SLC39A10: variants seen among roughly 807,000 people sequenced by gnomAD.
The protein encoded by SLC39A10 is solute carrier family 39 member 10.
Under a neutral mutation model 65.1 loss-of-function variants are expected in SLC39A10, and 13 were observed. The observed-to-expected ratio is 0.20, with a 90% CI of 0.13 to 0.32. The LOEUF (loss-of-function observed/expected upper bound fraction) is 0.32. Among genes scored for constraint, SLC39A10 ranks in the 10% least tolerant of loss-of-function variants. The pLI, the probability that SLC39A10 is intolerant of heterozygous loss-of-function variation, is 1.00. For synonymous variants in SLC39A10, 321 were observed against 342.2 expected (o/e 0.94, Z 0.68); for missense variants, 831 against 1,018.4 (o/e 0.82, Z 2.50).
intron 8 of SLC39A10, among the ~76,000 whole-genome samples, chr2:195,721,504 T>C (rs1306474129): frequency 1.3e-5 from 2 of 152,136 alleles, no homozygotes; most frequent in Non-Finnish European, 2.9e-5. Context: ...TTCCTCTTAG[T>C]TTTATTGTTT....
chr2:195,721,782 T>C (rs902063062), intron 8 of SLC39A10, among the ~76,000 whole-genome samples: 25 of 152,186 alleles, frequency 1.6e-4, no homozygotes, highest in African/African-American at 6.0e-4. Flanking sequence ...CTCCATAATA[T>C]ACTAGAAAAA....
chr2:195,710,387 C>G (rs548561922), intron 5 of SLC39A10, among the ~76,000 whole-genome samples: 2 of 152,092 alleles, frequency 1.3e-5, no homozygotes, highest in East Asian at 3.9e-4. Context: ...TTCCAGATAC[C>G]TTTTTTGGGA....
intron 1 of SLC39A10, 102 bp downstream of exon 1, chr2:195,657,383 G>A (rs1052673687): frequency 2.0e-6 from 2 of 985,358 alleles, no homozygotes; most frequent in African/African-American, 1.7e-5. Context: ...TAGAAAGGGA[G>A]AACAGAACCG....
chr2:195,622,499 ATATTT>A (rs1298740180), intron 2 of SLC39A10, among the ~76,000 whole-genome samples: 1 of 152,244 alleles, frequency 6.6e-6, no homozygotes, highest in African/African-American at 2.4e-5. Context: ...TCTGAAGTGA[ATATTT>A]TCTGTTTGAG....
In SLC39A10 at chr2:195,700,086, T is replaced by C. The variant is rs552047269; in HGVS notation, c.1217-6530T>C. ...TTCATGGAATATCGTTTTCCATCTT[T>C]TCAGTTTCAGCCTGTTTGTGTCTTT... On this transcript the variant is annotated intron_variant, in intron 3 of 9. Transcript: ENST00000359634. Among the ~76,000 whole-genome samples the C allele has an allele frequency of 4.3e-4, 65 of 152,326 alleles. No homozygotes were observed. In the South Asian group the frequency reaches 9.5e-3, roughly 22 times the overall value.
chr2:195,725,251 T>A (rs1029640157), intron 8 of SLC39A10, among the ~76,000 whole-genome samples: 1 of 152,072 alleles, frequency 6.6e-6, no homozygotes, highest in African/African-American at 2.4e-5. Context: ...CTAAGCATAC[T>A]CCATTAAGGA....
At chr2:195,677,682 C>T (rs529046621) in intron 1 of SLC39A10, among the ~76,000 whole-genome samples, 57 of 150,914 alleles carry the variant, frequency 3.8e-4, no homozygotes, top group African/African-American at 1.3e-3. Flanking sequence ...CATTTTTATT[C>T]CTGTGTGATA....
chr2:195,704,687 TC>T, intron 3 of SLC39A10, among the ~76,000 whole-genome samples: 1 of 152,344 alleles, frequency 6.6e-6, no homozygotes, highest in Non-Finnish European at 1.5e-5. Flanking sequence ...ATATATTTTT[TC>T]TTTCTAGAAT....
At chr2:195,626,573 G>A (rs1688479555) in intron 2 of SLC39A10, among the ~76,000 whole-genome samples, 1 of 151,788 alleles carries the variant, frequency 6.6e-6, no homozygotes, top group Admixed American at 6.6e-5. Flanking sequence ...TGTAAGATAA[G>A]CATTACTAAT....
intron 9 of SLC39A10, among the ~76,000 whole-genome samples, chr2:195,733,043 C>T (rs1692477070): frequency 6.6e-6 from 1 of 152,042 alleles, no homozygotes; most frequent in African/African-American, 2.4e-5. Context: ...TTAAATATGA[C>T]CTTTAAGAGA....
At chr2:195,691,805 C>G (rs933263783) in intron 3 of SLC39A10, among the ~76,000 whole-genome samples, 2 of 152,198 alleles carry the variant, frequency 1.3e-5, no homozygotes, top group Non-Finnish European at 2.9e-5. Context: ...TTTTCTCCCA[C>G]TCCGTGGGTT....
intron 2 of SLC39A10, among the ~76,000 whole-genome samples, chr2:195,647,763 C>T (rs2105710672): frequency 6.6e-6 from 1 of 152,076 alleles, no homozygotes; most frequent in East Asian, 1.9e-4. Flanking sequence ...CATTTGTTCA[C>T]CCTTGTATCA....
At chr2:195,639,158 C>T (rs952321689) in intron 2 of SLC39A10, among the ~76,000 whole-genome samples, 1 of 151,970 alleles carries the variant, frequency 6.6e-6, no homozygotes, top group African/African-American at 2.4e-5. Context: ...TGCTATGTTG[C>T]CCAGGCTGGT....
intron 2 of SLC39A10, among the ~76,000 whole-genome samples, chr2:195,616,735 C>T (rs1688218758): frequency 6.6e-6 from 1 of 152,002 alleles, no homozygotes; most frequent in Admixed American, 6.6e-5. Context: ...TTCCAAGTAG[C>T]TGGGACTACA....
chr2:195,672,675 G>A (rs1045633139), intron 1 of SLC39A10, among the ~76,000 whole-genome samples: 4 of 152,108 alleles, frequency 2.6e-5, no homozygotes, highest in African/African-American at 7.2e-5. Context: ...ACGTTTTAAA[G>A]CTTGTGTAAA....
chr2:195,663,613 GCATAT>G (rs1689503542), intron 1 of SLC39A10, among the ~76,000 whole-genome samples: 1 of 151,648 alleles, frequency 6.6e-6, no homozygotes, highest in South Asian at 2.1e-4. Flanking sequence ...TTTTAGAAAA[GCATAT>G]CATATTTTCA....
intron 2 of SLC39A10, among the ~76,000 whole-genome samples, chr2:195,644,367 A>T (rs1439252677): frequency 1.5e-5 from 2 of 129,098 alleles, no homozygotes; most frequent in African/African-American, 3.0e-5. Context: ...TTTGAGACGG[A>T]GTCTCGCTCT....
intron 2 of SLC39A10, among the ~76,000 whole-genome samples, chr2:195,682,185 T>A (rs1690350363): frequency 3.3e-5 from 5 of 152,218 alleles, no homozygotes; most frequent in Admixed American, 3.3e-4. Context: ...GTTTATTCTA[T>A]TTTTAGCATT....
intron 1 of SLC39A10, among the ~76,000 whole-genome samples, chr2:195,672,708 G>A (rs541009509): frequency 1.3e-5 from 2 of 152,106 alleles, no homozygotes; most frequent in East Asian, 1.9e-4. Flanking sequence ...TTTGTGTTTC[G>A]TGGAGTCATT....
Sources: gnomAD v4.1 joint callset for allele counts (sites outside exome capture counted in the v4.1 genomes callset) on GRCh38, gnomAD v4.1.1 for gene constraint, MANE v1.5 for transcripts, NCBI Gene and HGNC (gene_info 2026-07-23, HGNC 2026-07-21) for gene names.